CAMK1D: variants seen among roughly 807,000 people sequenced by gnomAD.
CAMK1D encodes the protein calcium/calmodulin dependent protein kinase ID, also known as calcium/calmodulin-dependent protein kinase type 1D.
In CAMK1D, 9 loss-of-function variants were observed where a neutral mutation model predicts 47.7. That is an observed-to-expected ratio of 0.19 (90% CI 0.11 to 0.33). The LOEUF is 0.33. CAMK1D is among the 10% of genes least tolerant of loss of function. The pLI is 1.00. For synonymous variants in CAMK1D, 184 were observed against 184.9 expected (o/e 0.99, Z 0.04); for missense variants, 291 against 488.7 (o/e 0.60, Z 3.81).
intron 1 of CAMK1D, among the ~76,000 whole-genome samples, chr10:12,516,419 GA>G (rs1835213464): frequency 6.6e-6 from 1 of 152,140 alleles, no homozygotes; most frequent in South Asian, 2.1e-4. Context: ...CAGTTTTAAT[GA>G]TTTTGAATAT....
chr10:12,424,443 T>C (rs1840158478), intron 1 of CAMK1D, among the ~76,000 whole-genome samples: 1 of 152,066 alleles, frequency 6.6e-6, no homozygotes, highest in Non-Finnish European at 1.5e-5. Context: ...AATTTAAATC[T>C]CTTGACCCTA....
intron 3 of CAMK1D, among the ~76,000 whole-genome samples, chr10:12,734,851 A>G (rs1260125407): frequency 2.0e-5 from 3 of 152,206 alleles, no homozygotes; most frequent in Non-Finnish European, 4.4e-5. Flanking sequence ...AGAGTTGGGC[A>G]GAAAAAGTAG....
intron 1 of CAMK1D, among the ~76,000 whole-genome samples, chr10:12,419,940 A>G (rs1031063461): frequency 4.6e-5 from 7 of 152,118 alleles, no homozygotes; most frequent in Non-Finnish European, 7.4e-5. Flanking sequence ...GCCTTAGTGA[A>G]AAATGACATC....
At chr10:12,397,741 A>C (rs1336727214) in intron 1 of CAMK1D, among the ~76,000 whole-genome samples, 1 of 152,212 alleles carries the variant, frequency 6.6e-6, no homozygotes, top group Admixed American at 6.5e-5. Context: ...CCAAGGTAGT[A>C]GGAAAAATGT....
At chr10:12,816,122 A>C in intron 7 of CAMK1D, 128 bp from the exon 8 acceptor site, 1 of 678,766 alleles carries the variant, frequency 1.5e-6, no homozygotes, top group Non-Finnish European at 2.6e-6. Flanking sequence ...AAGGTACAGT[A>C]GTCTCTGTGG....
chr10:12,784,349 C>T (rs1003674278), intron 5 of CAMK1D, among the ~76,000 whole-genome samples: 1 of 152,068 alleles, frequency 6.6e-6, no homozygotes, highest in Non-Finnish European at 1.5e-5. Flanking sequence ...AGGCATCCAC[C>T]ACCGCGTCTG....
At chr10:12,516,315 G>A (rs764506840) in intron 1 of CAMK1D, among the ~76,000 whole-genome samples, 10 of 151,976 alleles carry the variant, frequency 6.6e-5, no homozygotes, top group Non-Finnish European at 1.0e-4. Flanking sequence ...CACCATCCTG[G>A]CCAGGCTGGT....
chr10:12,478,588 C>T (rs1377288511), intron 1 of CAMK1D, among the ~76,000 whole-genome samples: 1 of 152,100 alleles, frequency 6.6e-6, no homozygotes, highest in African/African-American at 2.4e-5. Context: ...CTGGCCTGTC[C>T]TTATTTTAAC....
chr10:12,510,419 A>G (rs1835005720), intron 1 of CAMK1D, among the ~76,000 whole-genome samples: 1 of 152,062 alleles, frequency 6.6e-6, no homozygotes. Flanking sequence ...CCGTCTAAAA[A>G]AAAATAATAA....
intron 1 of CAMK1D, among the ~76,000 whole-genome samples, chr10:12,489,871 A>G (rs1834328612): frequency 6.6e-6 from 1 of 152,142 alleles, no homozygotes; most frequent in Non-Finnish European, 1.5e-5. Context: ...CCACGGGCTG[A>G]TGTCCCTGCA....
chr10:12,684,788 TTTTTTTTTATCATGGTGC>T (rs986533147), intron 3 of CAMK1D, among the ~76,000 whole-genome samples: 1 of 151,826 alleles, frequency 6.6e-6, no homozygotes, highest in African/African-American at 2.4e-5. Flanking sequence ...TTGGCCAATT[TTTTTTTTTATCATGGTGC>T]TATTTATTTA....
intron 1 of CAMK1D, among the ~76,000 whole-genome samples, chr10:12,415,321 C>T (rs541525761): frequency 8.6e-4 from 131 of 151,798 alleles, no homozygotes; most frequent in African/African-American, 2.9e-3. Flanking sequence ...AGAGTCTCGC[C>T]GTTGTTGCCC....
chr10:12,782,239 C>T (rs766843052), intron 5 of CAMK1D, among the ~76,000 whole-genome samples: 76 of 152,186 alleles, frequency 5.0e-4, no homozygotes, highest in Non-Finnish European at 2.1e-4. Flanking sequence ...GGTGAAGCAG[C>T]AGCTGTTTAT....
intron 1 of CAMK1D, among the ~76,000 whole-genome samples, chr10:12,379,490 C>T (rs571505459): frequency 1.2e-4 from 19 of 152,190 alleles, no homozygotes; most frequent in South Asian, 4.2e-4. Flanking sequence ...TGGTGGCTAA[C>T]GCCTGTAATC....
chr10:12,788,022 C>T (rs1837810425), intron 5 of CAMK1D, among the ~76,000 whole-genome samples: 4 of 152,106 alleles, frequency 2.6e-5, no homozygotes, highest in Admixed American at 2.6e-4. Context: ...AGATAAGACA[C>T]AACACCAAAA....
intron 5 of CAMK1D, among the ~76,000 whole-genome samples, chr10:12,784,604 A>G (rs1292066324): frequency 6.6e-6 from 1 of 152,224 alleles, no homozygotes; most frequent in Admixed American, 6.5e-5. Context: ...GTCTGAAATC[A>G]TGTGTTCATG....
intron 3 of CAMK1D, among the ~76,000 whole-genome samples, chr10:12,675,426 T>TC (rs746461111): frequency 6.6e-6 from 1 of 152,162 alleles, no homozygotes; most frequent in Non-Finnish European, 1.5e-5. Flanking sequence ...GCTGTCTATC[T>TC]CATCTTAGCA....
chr10:12,477,940 C>T (rs1264534195), intron 1 of CAMK1D, among the ~76,000 whole-genome samples: 1 of 152,026 alleles, frequency 6.6e-6, no homozygotes, highest in Non-Finnish European at 1.5e-5. Flanking sequence ...CTCCTTAGTT[C>T]CTGAATTCTA....
In CAMK1D at chr10:12,534,145, C is replaced by G. The variant is rs138666410; in HGVS notation, c.93-19080C>G. On this transcript the variant is annotated intron_variant, in intron 1 of 10. Coordinates refer to ENST00000619168, the MANE Select transcript of CAMK1D (RefSeq NM_153498.4). ...TTAGCTCTTGTAACAAACAAACCTC[C>G]ACATCTATCTATCTATCTATCTGTC... is the stretch of plus-strand genomic sequence containing the variant. Among the ~76,000 whole-genome samples, 11 of 152,204 alleles carry G rather than the reference C, an allele frequency of 7.2e-5. No individual in the cohort carries two copies. The East Asian group carries it at 2.1e-3, about 29-fold the overall frequency.
Sources: gnomAD v4.1 joint callset for allele counts (sites outside exome capture counted in the v4.1 genomes callset) on GRCh38, gnomAD v4.1.1 for gene constraint, MANE v1.5 for transcripts, NCBI Gene and HGNC (gene_info 2026-07-23, HGNC 2026-07-21) for gene names.